ADGRB3: variants seen among roughly 807,000 people sequenced by gnomAD.
ADGRB3 encodes adhesion G protein-coupled receptor B3, also known as brain-specific angiogenesis inhibitor 3.
A neutral mutation model predicts 193.4 loss-of-function variants in ADGRB3; 37 were observed. The ratio of observed to expected loss-of-function variants is 0.19; its 90% confidence interval spans 0.15 to 0.25. The LOEUF is 0.25. Ranked by LOEUF, ADGRB3 falls within the 10% of genes least tolerant of loss-of-function variation. The pLI is 1.00. For missense variants in ADGRB3, 1,637 were observed against 1,852.9 expected, an observed-to-expected ratio of 0.88 and a Z score of 2.14; for synonymous variants, 690 against 644.2, an observed-to-expected ratio of 1.07 and a Z score of -1.08.
chr6:68,908,642 A>T (rs951693230), intron 3 of ADGRB3, among the ~76,000 whole-genome samples: 8 of 152,158 alleles, frequency 5.3e-5, no homozygotes, highest in African/African-American at 1.4e-4. Context: ...TATTTCCATT[A>T]AGAAGTTAAA....
chr6:69,114,064 C>G (rs1336632), intron 17 of ADGRB3, among the ~76,000 whole-genome samples: 52,460 of 151,966 alleles, frequency 0.35, 10,799 homozygotes, highest in East Asian at 0.84. Flanking sequence ...AATCGAGTAT[C>G]CCAATAACAT....
chr6:68,863,669 A>G (rs1582264595), intron 3 of ADGRB3, among the ~76,000 whole-genome samples: 1 of 152,142 alleles, frequency 6.6e-6, no homozygotes, highest in African/African-American at 2.4e-5. Context: ...TGAACACACT[A>G]AAATTAAACT....
chr6:69,180,470 C>G (rs1231375041), intron 17 of ADGRB3, among the ~76,000 whole-genome samples: 1 of 151,938 alleles, frequency 6.6e-6, no homozygotes, highest in East Asian at 1.9e-4. Context: ...CAATCTGTGT[C>G]TAGGAAGGGT....
At position 69,048,415 on chromosome 6, in the gene ADGRB3, T is replaced by C. The variant is rs540734244; in HGVS notation, c.2257+81T>C. 1.3e-4 allele frequency: 179 copies of C among 1,347,018 alleles called. 3 individuals carry two copies. The African/African-American group carries it at 2.5e-3, about 19-fold the overall frequency. 83.4% of individuals were successfully genotyped at this position (1,347,018 alleles called of 1,614,324 possible). On this transcript the variant is annotated intron_variant, in intron 14 of 31. Coordinates refer to ENST00000370598, the MANE Select transcript of ADGRB3 (RefSeq NM_001704.3). ...ATTAGAAATTAGGTATAAATCTTCA[T>C]ACATTAAACAGTTTAGAAATAGTCT... is the stretch of plus-strand genomic sequence containing the variant.
chr6:69,035,563 C>T (rs551879151), intron 13 of ADGRB3, among the ~76,000 whole-genome samples: 1 of 152,066 alleles, frequency 6.6e-6, no homozygotes, highest in South Asian at 2.1e-4. Context: ...GATGGGGAGA[C>T]CCTGAAAAGG....
intron 19 of ADGRB3, 76 bp from the exon 20 acceptor site, chr6:69,239,048 A>G (rs2127260382): frequency 2.9e-6 from 2 of 682,168 alleles, no homozygotes; most frequent in South Asian, 2.6e-5. Context: ...GATGAATGCC[A>G]TCAGTTTGCA....
intron 13 of ADGRB3, among the ~76,000 whole-genome samples, chr6:69,042,145 A>G (rs1582416139): frequency 6.6e-6 from 1 of 152,220 alleles, no homozygotes; most frequent in African/African-American, 2.4e-5. Flanking sequence ...GAAGAAGGAC[A>G]TGCATGTTTG....
chr6:68,657,677 G>A (rs1426640152), intron 3 of ADGRB3, among the ~76,000 whole-genome samples: 1 of 151,312 alleles, frequency 6.6e-6, no homozygotes, highest in Non-Finnish European at 1.5e-5. Context: ...AACTTGTAAA[G>A]GGTTTTATCA....
chr6:69,207,919 G>A (rs1045124813), intron 17 of ADGRB3, among the ~76,000 whole-genome samples: 3 of 152,142 alleles, frequency 2.0e-5, no homozygotes, highest in Non-Finnish European at 4.4e-5. Context: ...AAACCCAGTG[G>A]GGACAAATCT....
intron 3 of ADGRB3, among the ~76,000 whole-genome samples, chr6:68,912,091 T>C (rs541490905): frequency 3.0e-4 from 45 of 152,096 alleles, no homozygotes; most frequent in Non-Finnish European, 5.4e-4. Context: ...AAGAGTTCAG[T>C]TCTTTCTCAG....
intron 17 of ADGRB3, among the ~76,000 whole-genome samples, chr6:69,139,171 T>TA (rs1429540212): frequency 6.6e-6 from 1 of 152,204 alleles, no homozygotes; most frequent in African/African-American, 2.4e-5. Flanking sequence ...GGTAGCGCTT[T>TA]ACCGGGGCTG....
At chr6:69,288,676 T>C (rs1400381783) in intron 20 of ADGRB3, among the ~76,000 whole-genome samples, 1 of 152,206 alleles carries the variant, frequency 6.6e-6, no homozygotes, top group East Asian at 1.9e-4. Flanking sequence ...AGGGAGTTAT[T>C]AGCTTCAACA....
At chr6:68,771,918 G>C (rs990343780) in intron 3 of ADGRB3, among the ~76,000 whole-genome samples, 2 of 152,100 alleles carry the variant, frequency 1.3e-5, no homozygotes, top group African/African-American at 4.8e-5. Context: ...AGCATTTTGA[G>C]TGTTTGATAA....
In ADGRB3 at chr6:69,061,668, T is replaced by C. The variant is rs570262741; in HGVS notation, c.2334-1266T>C. On this transcript the variant is annotated intron_variant, in intron 15 of 31. Coordinates refer to ENST00000370598, the MANE Select transcript of ADGRB3 (RefSeq NM_001704.3). ...TAAAGGTTTTAACCTAATTGATAAA[T>C]ACATCAATAAATTGTGCTGTATTTG... Among the ~76,000 whole-genome samples, 10 of 135,336 alleles carry C rather than the reference T, an allele frequency of 7.4e-5. No homozygotes were observed. In the South Asian group the frequency reaches 2.6e-3, roughly 35 times the overall value. The allele number at this position is 135,336 out of a possible 152,430, so 88.8% of individuals were successfully genotyped here.
intron 24 of ADGRB3, among the ~76,000 whole-genome samples, chr6:69,336,360 T>C (rs894825082): frequency 2.6e-5 from 4 of 151,996 alleles, no homozygotes; most frequent in African/African-American, 7.2e-5. Flanking sequence ...CTTATGTACC[T>C]GAAACTAAGG....
At chr6:69,113,451 A>G (rs1206915612) in intron 17 of ADGRB3, among the ~76,000 whole-genome samples, 1 of 152,072 alleles carries the variant, frequency 6.6e-6, no homozygotes, top group Admixed American at 6.6e-5. Flanking sequence ...TATTTTTACA[A>G]ATTAGTGGAA....
At position 69,189,151 on chromosome 6, in the gene ADGRB3, A is replaced by G. The variant is rs538066665; in HGVS notation, c.2481-44139A>G. 1.5e-4 allele frequency among the ~76,000 whole-genome samples: 23 copies of G among 152,338 alleles called. No individual in the cohort carries two copies. In the South Asian group the frequency reaches 4.8e-3, roughly 32 times the overall value. ...GAAATGAAAACGAAACTGAAGTTCC[A>G]CAATCTGGGAATAACATATGAATGT... On this transcript the variant is annotated intron_variant, in intron 17 of 31. Transcript: ENST00000370598.
intron 26 of ADGRB3, among the ~76,000 whole-genome samples, chr6:69,340,877 T>A (rs748452512): frequency 1.3e-5 from 2 of 152,174 alleles, no homozygotes; most frequent in Non-Finnish European, 2.9e-5. Context: ...TGGTTTTCTG[T>A]TCCTGTGTTA....
intron 3 of ADGRB3, among the ~76,000 whole-genome samples, chr6:68,656,762 AT>A (rs1768498973): frequency 6.6e-6 from 1 of 151,470 alleles, no homozygotes; most frequent in Admixed American, 6.6e-5. Context: ...ATATTCACAT[AT>A]TTCAGAGTTC....
Sources: allele counts gnomAD v4.1 joint callset (sites outside exome capture counted in the v4.1 genomes callset), GRCh38; gene constraint gnomAD v4.1.1; transcripts MANE v1.5; gene names NCBI Gene and HGNC (gene_info 2026-07-23, HGNC 2026-07-21).